The following SBNO2 variants were observed in gnomAD, a reference collection of about 807,000 sequenced individuals.
SBNO2 encodes the protein protein strawberry notch homolog 2.
A neutral mutation model predicts 146.3 loss-of-function variants in SBNO2; 89 were observed. That is an observed-to-expected ratio of 0.61 (90% CI 0.51 to 0.73). The LOEUF (loss-of-function observed/expected upper bound fraction) is 0.73, where lower values mean the gene tolerates loss of function less well. Ranked by LOEUF, SBNO2 falls within the 30% of genes least tolerant of loss-of-function variation. The pLI is 0.00. For synonymous variants in SBNO2, 1,147 were observed against 892.6 expected, an observed-to-expected ratio of 1.29 and a Z score of -5.08; for missense variants, 2,092 against 2,003.7, an observed-to-expected ratio of 1.04 and a Z score of -0.84.
chr19:1,115,645 C>A (rs1334700890), intron 17 of SBNO2: 3 of 312,204 alleles, frequency 9.6e-6, no homozygotes. Context: ...CTTCGACAGG[C>A]AGCTCTGGGC....
At chr19:1,148,187 T>C (rs986381968) in intron 3 of SBNO2, among the ~76,000 whole-genome samples, 3 of 151,786 alleles carry the variant, frequency 2.0e-5, no homozygotes, top group Non-Finnish European at 4.4e-5. Context: ...CCGGAGGCCT[T>C]GGGTTGGAGG....
intron 6 of SBNO2, 78 bp downstream of exon 6, chr19:1,123,864 G>A (rs963294691): frequency 7.0e-7 from 1 of 1,426,630 alleles, no homozygotes; most frequent in Non-Finnish European, 9.6e-7. Context: ...TCCCCACAAT[G>A]GAGATGCCTG....
At position 1,122,249 on chromosome 19, in the gene SBNO2, C is replaced by T. The variant is rs753072881; in HGVS notation, c.1039G>A (p.Val347Ile). ...KYGDTTTSEG[V>I]LFATYSALIG... ...AGGGCGGAGTAGGTGGCGAAGAGGA[C>T]GCCCTCTGAGGTAGTGGTGTCACCG... Residue 347 changes from valine (V) to isoleucine (I), a missense_variant, in exon 11 of 32, where the codon GTC becomes ATC. By Grantham distance (29) the Val-to-Ile change is conservative. Coordinates refer to ENST00000361757, the MANE Select transcript of SBNO2 (RefSeq NM_014963.3). 3.6e-5 allele frequency: 57 copies of T among 1,581,546 alleles called. No homozygotes were observed. The highest frequency in any genetic ancestry group is 1.8e-4 in the Admixed American group (10 of 55,716).
intron 4 of SBNO2, among the ~76,000 whole-genome samples, chr19:1,133,851 C>T (rs1017914502): frequency 1.3e-5 from 2 of 152,238 alleles, no homozygotes; most frequent in Non-Finnish European, 2.9e-5. Context: ...AACCCACAAC[C>T]ACAAGCGCTG....
intron 1 of SBNO2, among the ~76,000 whole-genome samples, chr19:1,172,234 T>TGCCGTCTCCC (rs2080484760): frequency 6.6e-6 from 1 of 152,230 alleles, no homozygotes; most frequent in African/African-American, 2.4e-5. Flanking sequence ...CTGCGTCTCC[T>TGCCGTCTCCC]CTGCCGTCTC....
rs139190295 is a variant in SBNO2, at chr19:1,130,052, C to T, written c.280-2287G>A. On this transcript the variant is annotated intron_variant, in intron 4 of 31. Transcript: ENST00000361757. The stretch of plus-strand genomic sequence containing the variant: ...CACACCACCCGACCAGCCCCAGGAC[C>T]GCCCAACGCATCTGAAACACGGGCC... 3.4e-3 allele frequency among the ~76,000 whole-genome samples: 512 copies of T among 152,282 alleles called. 2 individuals are homozygous for T. The highest frequency in any genetic ancestry group is 0.012 in the African/African-American group (492 of 41,558).
intron 1 of SBNO2, among the ~76,000 whole-genome samples, chr19:1,156,078 G>A (rs376361916): frequency 1.3e-5 from 2 of 152,116 alleles, no homozygotes; most frequent in Non-Finnish European, 2.9e-5. Flanking sequence ...GCTCTGGGGC[G>A]ACCCCATGAC....
chr19:1,173,195 T>C lies in SBNO2; in HGVS notation c.-127+977A>G, dbSNP rs1448809461. Among the ~76,000 whole-genome samples the C allele has an allele frequency of 6.6e-6, 1 of 151,788 alleles. No individual in the cohort carries two copies. The highest frequency in any genetic ancestry group is 1.5e-5 in the Non-Finnish European group (1 of 67,926). Reference sequence around the variant, plus strand: ...TGCCTTATTCTTCGGGACTCTGGGGTGGTGGGAAGAGTGCCCTACGGGGGA... The same window carrying C: ...TGCCTTATTCTTCGGGACTCTGGGGCGGTGGGAAGAGTGCCCTACGGGGGA... On this transcript the variant is annotated intron_variant, in intron 1 of 31. Coordinates refer to ENST00000361757, the MANE Select transcript of SBNO2 (RefSeq NM_014963.3). This position sits in a 1 kb window ranked among gnomAD's most constrained non-coding sequence, Gnocchi z 4.7.
At chr19:1,139,585 A>G (rs145926223) in intron 4 of SBNO2, among the ~76,000 whole-genome samples, 13 of 152,214 alleles carry the variant, frequency 8.5e-5, no homozygotes, top group African/African-American at 3.1e-4. Context: ...ACCTGAGATC[A>G]CGAGTTTGAG....
At chr19:1,118,703 C>T (rs572297217) in intron 14 of SBNO2, among the ~76,000 whole-genome samples, 1 of 152,292 alleles carries the variant, frequency 6.6e-6, no homozygotes, top group East Asian at 1.9e-4. Flanking sequence ...ACACCGTTCT[C>T]TACCAAAAAA....
chr19:1,119,842 G>C (rs1463893960), intron 12 of SBNO2, 64 bp downstream of exon 12: 12 of 1,287,030 alleles, frequency 9.3e-6, no homozygotes, highest in Non-Finnish European at 1.3e-5. Context: ...ATACCCCTTC[G>C]CGGGGACAGC....
chr19:1,114,322 G>T lies in SBNO2; in HGVS notation c.1986C>A (p.Gly662=). The change falls in exon 18 of 32, where the codon GGC becomes GGA. Residue 662 remains glycine, a synonymous_variant. Coordinates refer to ENST00000361757, the MANE Select transcript of SBNO2 (RefSeq NM_014963.3). ...GGGAGGAGTTGAAGTCGCTGTCCAG[G>T]CCAGGGTCCGACTCCGTGCTGCTGT... is the stretch of plus-strand genomic sequence containing the variant. The part of the protein sequence containing the change: ...SDDSSTESDP[G]LDSDFNSSPE... The T allele has an allele frequency of 6.4e-7, 1 of 1,556,464 alleles. No individual in the cohort carries two copies. The highest frequency in any genetic ancestry group is 8.7e-7 in the Non-Finnish European group (1 of 1,150,196).
chr19:1,144,114 A>C lies in SBNO2; in HGVS notation c.279+3195T>G, dbSNP rs1001776579. ...TCCGCAGAACCACGCGGCCCAGCCC[A>C]CAGGCCTGGGCTGACTCATACCCGT... On this transcript the variant is annotated intron_variant, in intron 4 of 31. Transcript: ENST00000361757. This position sits in a 1 kb window ranked among gnomAD's most constrained non-coding sequence, Gnocchi z 4.1. Among the ~76,000 whole-genome samples, 3 of 152,050 alleles carry C rather than the reference A, an allele frequency of 2.0e-5. No individual in the cohort carries two copies. Among genetic ancestry groups the C allele is most frequent in the African/African-American group, 7.2e-5 (3 of 41,392 alleles).
In SBNO2 at chr19:1,144,355, C is replaced by G. The variant is rs781258886; in HGVS notation, c.279+2954G>C. ...TTTAACAGGGAGATTTGGGTCCAAG[C>G]TGCCCCACATACGGACGCTGGAGCA... On this transcript the variant is annotated intron_variant, in intron 4 of 31. Transcript: ENST00000361757. The surrounding 1 kb of genome is among the most constrained non-coding windows in gnomAD (Gnocchi z 4.1). 2.6e-4 allele frequency among the ~76,000 whole-genome samples: 40 copies of G among 152,156 alleles called. No homozygotes were observed. The highest frequency in any genetic ancestry group is 5.0e-4 in the Non-Finnish European group (34 of 68,024).
chr19:1,123,157 T>TG (rs996692635), intron 7 of SBNO2, 112 bp from the exon 8 acceptor site: 54 of 1,253,756 alleles, frequency 4.3e-5, no homozygotes, highest in Middle Eastern at 5.4e-4. Flanking sequence ...CGGGGCAGTT[T>TG]GGGGGCGTGG....
intron 19 of SBNO2, 98 bp from the exon 20 acceptor site, chr19:1,113,047 T>C (rs2079786013): frequency 1.4e-6 from 2 of 1,395,754 alleles, no homozygotes; most frequent in African/African-American, 2.9e-5. Flanking sequence ...ACAGTGGTCA[T>C]GGGCTCCCAG....
intron 2 of SBNO2, among the ~76,000 whole-genome samples, chr19:1,153,514 C>T (rs1199217526): frequency 6.6e-6 from 1 of 152,014 alleles, no homozygotes; most frequent in Non-Finnish European, 1.5e-5. Context: ...GCTAGGATTA[C>T]AGGCGTGAGC....
chr19:1,115,775 T>G (rs1599830259), intron 17 of SBNO2: 1 of 569,076 alleles, frequency 1.8e-6, no homozygotes, highest in Admixed American at 3.2e-5. Context: ...GCCCCCCGGG[T>G]CTCGCTCGGC....
At chr19:1,135,550 G>A (rs2145265822) in intron 4 of SBNO2, among the ~76,000 whole-genome samples, 1 of 152,314 alleles carries the variant, frequency 6.6e-6, no homozygotes, top group East Asian at 1.9e-4. Context: ...GGACCTGCTG[G>A]GCACTACCCC....
Sources: gnomAD v4.1 joint callset for allele counts (sites outside exome capture counted in the v4.1 genomes callset) on GRCh38, gnomAD v4.1.1 for gene constraint, Gnocchi (gnomAD v3.1) non-coding constraint, MANE v1.5 for transcripts, NCBI Gene and HGNC (gene_info 2026-07-23, HGNC 2026-07-21) for gene names.